TRANK1: variants seen among roughly 807,000 people sequenced by gnomAD.
The protein encoded by TRANK1 is tetratricopeptide repeat and ankyrin repeat containing 1, also known as TPR and ankyrin repeat-containing protein 1.
Under a neutral mutation model 266.0 loss-of-function variants are expected in TRANK1, and 198 were observed. The ratio of observed to expected loss-of-function variants is 0.74; its 90% CI spans 0.66 to 0.84. The LOEUF is 0.84. Ranked by LOEUF, TRANK1 falls within the 40% of genes least tolerant of loss-of-function variation. The pLI is 0.00. For missense variants in TRANK1, 3,326 were observed against 3,634.6 expected, an observed-to-expected ratio of 0.92 and a Z score of 2.18; for synonymous variants, 1,396 against 1,384.1, an observed-to-expected ratio of 1.01 and a Z score of -0.19.
Position 36,857,624 on chromosome 3 carries a change from C to T in TRANK1, c.2098G>A (p.Gly700Arg). Residue 700 changes from glycine to arginine, a missense_variant, in exon 13 of 24, where the codon GGA becomes AGA. Coordinates refer to ENST00000645898, the MANE Select transcript of TRANK1 (RefSeq NM_001329998.2). The surrounding 1 kb of genome is among the most constrained non-coding windows in gnomAD (Gnocchi z 4.3). ...TCCCAGCTGTCAGGGACTGCACTTC[C>T]TTCAGGCAGTGTTCTGGCAGTGGCA... ...CGATARTLPE[G>R]SAVPDSWETL... 6.2e-7 allele frequency: 1 copy of T among 1,614,066 alleles called. No individual in the cohort carries two copies. Among genetic ancestry groups the T allele is most frequent in the Non-Finnish European group, 8.5e-7 (1 of 1,179,896 alleles).
rs2080391355 is a variant in TRANK1, at chr3:36,933,892, A to G, written c.23+10895T>C. Among the ~76,000 whole-genome samples, 3 of 152,190 alleles carry G rather than the reference A, an allele frequency of 2.0e-5. No homozygotes were observed. The South Asian group carries it at 6.2e-4, about 32-fold the overall frequency. On this transcript the variant is annotated intron_variant, in intron 1 of 23. Coordinates refer to ENST00000645898, the MANE Select transcript of TRANK1 (RefSeq NM_001329998.2). ...ACCTTGCCCCACTTCCCAAGCTAAGATAGGCTGTGAGGATGAGGCATGGGA... is the reference window on the plus strand; with the variant it reads ...ACCTTGCCCCACTTCCCAAGCTAAGGTAGGCTGTGAGGATGAGGCATGGGA...
intron 10 of TRANK1, among the ~76,000 whole-genome samples, chr3:36,863,700 G>A (rs990429139): frequency 3.3e-5 from 5 of 152,146 alleles, no homozygotes; most frequent in Non-Finnish European, 5.9e-5. Context: ...TTGGCCTAAG[G>A]TCACAGATCT....
In TRANK1 at chr3:36,855,297, G is replaced by T; in HGVS notation, c.4425C>A (p.Ala1475=). ...GAGAGCGCAGATCGCTGAAGCGGAA[G>T]GCCACGCCCTTCATGATGCTCTGGG... ...DTAQSIMKGV[A]FRFSDLRSLF... is the part of the protein sequence containing the mutation. Residue 1475 remains alanine, a synonymous_variant, in exon 13 of 24, where the codon GCC becomes GCA. Transcript: ENST00000645898. 2 of 1,614,040 alleles carry T rather than the reference G, an allele frequency of 1.2e-6. No individual in the cohort carries two copies. The highest frequency in any genetic ancestry group is 2.2e-5 in the East Asian group (1 of 44,886).
chr3:36,838,384 C>G lies in TRANK1; in HGVS notation c.5505G>C (p.Glu1835Asp). The stretch of plus-strand genomic sequence containing the variant: ...CTAGGAGCCATACCTTTCCCAGCCT[C>G]TCGCACAGCTGGGCAGAGAGCTGGA... ...KEFQLSAQLCERLGKIRDAAY... is the reference protein window; with the variant it reads ...KEFQLSAQLCDRLGKIRDAAY... The change falls in exon 20 of 24, where the codon GAG (glutamate) becomes GAC (aspartate). Residue 1835 changes from glutamate (E) to aspartate (D), a missense_variant. By Grantham distance (45) the Glu-to-Asp change is conservative. Coordinates refer to ENST00000645898, the MANE Select transcript of TRANK1 (RefSeq NM_001329998.2). 6.2e-7 allele frequency: 1 copy of G among 1,614,050 alleles called. No individual in the cohort carries two copies. The highest frequency in any genetic ancestry group is 8.5e-7 in the Non-Finnish European group (1 of 1,179,892).
intron 21 of TRANK1, 194 bp downstream of exon 21, chr3:36,834,568 T>C (rs1418333365): frequency 1.8e-6 from 1 of 568,908 alleles, no homozygotes; most frequent in Admixed American, 3.5e-5. Flanking sequence ...CATCAAAGCT[T>C]ATAAAGAGAC....
chr3:36,915,866 C>T (rs2080117212), intron 1 of TRANK1, among the ~76,000 whole-genome samples: 1 of 152,092 alleles, frequency 6.6e-6, no homozygotes, highest in South Asian at 2.1e-4. Flanking sequence ...GGTGTCCAGG[C>T]CACAGAAACA....
intron 8 of TRANK1, among the ~76,000 whole-genome samples, chr3:36,886,519 T>C (rs2079608222): frequency 1.3e-5 from 2 of 152,108 alleles, no homozygotes. Flanking sequence ...CAGTTTAGAG[T>C]GTAAGCCACA....
chr3:36,942,463 A>T (rs529485392), intron 1 of TRANK1, among the ~76,000 whole-genome samples: 3 of 136,492 alleles, frequency 2.2e-5, no homozygotes, highest in Non-Finnish European at 4.6e-5. Context: ...GGGTTGCAGC[A>T]TCTTCCCTTC....
rs2078733298 is a variant in TRANK1 at position 36,833,912 on chromosome 3, C to A, written c.5671G>T (p.Glu1891Ter). The change falls in exon 22 of 24, where the codon GAA becomes TAA. Residue 1891 changes from glutamate (E) to a stop codon, truncating the protein, a stop_gained. Transcript: ENST00000645898. LOFTEE classifies it high-confidence loss of function. Reference protein sequence around the residue: ...EAAIAVEKYEEMLKTKTLPIS... With the variant: ...EAAIAVEKYE ...GGAAGGGTCTTAGTCTTTAGCATTT[C>A]TTCATACCTGCAAAGACAAAGGACA... The A allele has an allele frequency of 1.2e-5, 19 of 1,599,956 alleles. No homozygotes were observed. Among genetic ancestry groups the A allele is most frequent in the Non-Finnish European group, 1.6e-5 (19 of 1,175,450 alleles).
At position 36,889,851 on chromosome 3, in the gene TRANK1, G is replaced by C. The variant is rs1037242907; in HGVS notation, c.885C>G (p.His295Gln). ...CACGCTTAACGAGGTATCCTGGGGA[G>C]TGGGCAGCGACGACGTGCAGGACAG... ...GCTVLHVVAA[H>Q]SPGYLVKRQT... The change falls in exon 8 of 24, where the codon CAC becomes CAG. Residue 295 changes from histidine to glutamine, a missense_variant. Coordinates refer to ENST00000645898, the MANE Select transcript of TRANK1 (RefSeq NM_001329998.2). 2 of 1,536,960 alleles carry C rather than the reference G, an allele frequency of 1.3e-6. No homozygotes were observed. The highest frequency in any genetic ancestry group is 2.7e-5 in the African/African-American group (2 of 73,036).
intron 8 of TRANK1, among the ~76,000 whole-genome samples, chr3:36,882,998 T>C (rs2079552029): frequency 6.6e-6 from 1 of 152,144 alleles, no homozygotes; most frequent in South Asian, 2.1e-4. Flanking sequence ...GGTGAGACTG[T>C]TGTGAGAGAA....
At chr3:36,887,543 C>T (rs973693934) in intron 8 of TRANK1, among the ~76,000 whole-genome samples, 1 of 152,228 alleles carries the variant, frequency 6.6e-6, no homozygotes, top group African/African-American at 2.4e-5. Context: ...TATTTCCAAG[C>T]TGGTCCAACC....
At chr3:36,862,023 A>G (rs148892868) in intron 10 of TRANK1, among the ~76,000 whole-genome samples, 2 of 152,212 alleles carry the variant, frequency 1.3e-5, no homozygotes, top group African/African-American at 4.8e-5. Context: ...AAAACATTTT[A>G]ACAGATCTTC....
intron 3 of TRANK1, among the ~76,000 whole-genome samples, chr3:36,902,327 C>T (rs114648306): frequency 0.01 from 1,591 of 152,286 alleles, 28 homozygotes; most frequent in African/African-American, 0.036. Context: ...ATAGGTCAAA[C>T]CTCCACCACT....
At chr3:36,934,903 T>C (rs2080404174) in intron 1 of TRANK1, among the ~76,000 whole-genome samples, 2 of 152,122 alleles carry the variant, frequency 1.3e-5, no homozygotes, top group Admixed American at 1.3e-4. Context: ...ACACACACCC[T>C]CCAGAGGTAT....
intron 4 of TRANK1, among the ~76,000 whole-genome samples, chr3:36,897,122 T>A (rs1183133098): frequency 3.3e-5 from 5 of 151,676 alleles, no homozygotes; most frequent in Non-Finnish European, 7.4e-5. Context: ...GCTAACATAG[T>A]GAAACTCCAT....
intron 13 of TRANK1, 107 bp from the exon 14 acceptor site, chr3:36,852,452 A>G (rs2078997322): frequency 1.9e-6 from 2 of 1,053,148 alleles, no homozygotes; most frequent in Non-Finnish European, 2.7e-6. Flanking sequence ...TTTGGCCCCT[A>G]CAGTATGTAT....
In TRANK1 at chr3:36,860,983, A is replaced by G. The variant is rs1559436122; in HGVS notation, c.1418T>C (p.Ile473Thr). ...GCTGAGATGGGGGATGATGGTACAG[A>G]TGTCGAGGTCTGAGAAGTTGCAGTC... ...IKDCNFSDLD[I>T]CTIIPHLSTW... is the part of the protein sequence containing the mutation. Residue 473 changes from isoleucine to threonine, a missense_variant, in exon 11 of 24, where the codon ATC becomes ACC. By Grantham distance (89) the Ile-to-Thr change is moderately conservative. Coordinates refer to ENST00000645898, the MANE Select transcript of TRANK1 (RefSeq NM_001329998.2). 6.5e-7 allele frequency: 1 copy of G among 1,537,792 alleles called. No homozygotes were observed. Among genetic ancestry groups the G allele is most frequent in the Non-Finnish European group, 8.7e-7 (1 of 1,147,046 alleles).
chr3:36,893,028 A>C, intron 5 of TRANK1, 44 bp from the exon 6 acceptor site: 1 of 1,220,386 alleles, frequency 8.2e-7, no homozygotes, highest in Non-Finnish European at 1.1e-6. Context: ...AATGTTCTCC[A>C]CATAGGTTAT....
Sources: allele counts gnomAD v4.1 joint callset (sites outside exome capture counted in the v4.1 genomes callset), GRCh38; gene constraint gnomAD v4.1.1; non-coding constraint Gnocchi (gnomAD v3.1); transcripts MANE v1.5; gene names NCBI Gene and HGNC (gene_info 2026-07-23, HGNC 2026-07-21).